JAK2: variants seen among roughly 807,000 people sequenced by gnomAD.
JAK2 encodes the protein Janus kinase 2.
Under a neutral mutation model 139.3 loss-of-function variants are expected in JAK2, and 86 were observed. The observed-to-expected ratio is 0.62, with a 90% CI of 0.52 to 0.74. The LOEUF is 0.74. Among genes scored for constraint, JAK2 ranks in the 30% least tolerant of loss-of-function variants. JAK2 has a pLI of 0.00. For missense variants in JAK2, 1,421 were observed against 1,360.3 expected (o/e 1.04, Z -0.70); for synonymous variants, 490 against 437.7 (o/e 1.12, Z -1.49).
At chr9:5,023,316 G>C (rs1222182792) in intron 3 of JAK2, among the ~76,000 whole-genome samples, 1 of 152,172 alleles carries the variant, frequency 6.6e-6, no homozygotes, top group African/African-American at 2.4e-5. Flanking sequence ...TTCCATCCAT[G>C]TTGCTGTGAA....
chr9:5,033,531 C>G lies in JAK2; in HGVS notation c.350+3625C>G, dbSNP rs146655395. On this transcript the variant is annotated intron_variant, in intron 4 of 24. Transcript: ENST00000381652. ...CACAAAGGGAAGCCCATCAGACTAA[C>G]AGCAGATCTCTTGGCAGAAACTCTA... is the stretch of plus-strand genomic sequence containing the variant. Among the ~76,000 whole-genome samples, 515 of 152,316 alleles carry G rather than the reference C, an allele frequency of 3.4e-3. 3 individuals carry two copies. The highest frequency in any genetic ancestry group is 4.6e-3 in the Non-Finnish European group (311 of 68,034).
intron 2 of JAK2, among the ~76,000 whole-genome samples, chr9:5,013,083 G>A (rs968936101): frequency 6.6e-6 from 1 of 152,070 alleles, no homozygotes; most frequent in Non-Finnish European, 1.5e-5. Flanking sequence ...GAAGAATAAA[G>A]GTTGACCAAA....
At chr9:5,119,792 A>T (rs1177714044) in intron 22 of JAK2, among the ~76,000 whole-genome samples, 1 of 152,212 alleles carries the variant, frequency 6.6e-6, no homozygotes, top group African/African-American at 2.4e-5. Flanking sequence ...TTTCATATGT[A>T]CTTAATGAAC....
At chr9:5,045,378 A>T (rs1002825778) in intron 5 of JAK2, among the ~76,000 whole-genome samples, 1 of 152,230 alleles carries the variant, frequency 6.6e-6, no homozygotes, top group Non-Finnish European at 1.5e-5. Flanking sequence ...CTATTGGGGT[A>T]TGAGACCAAC....
chr9:5,038,172 A>T lies in JAK2; in HGVS notation c.351-6231A>T, dbSNP rs12341930. ...ATTGTTTAATGGATACAGTGTTTTTAATGCCAACAAATTAGAGGATCAAGA... is the reference window on the plus strand; with the variant it reads ...ATTGTTTAATGGATACAGTGTTTTTTATGCCAACAAATTAGAGGATCAAGA... On this transcript the variant is annotated intron_variant, in intron 4 of 24. Coordinates refer to ENST00000381652, the MANE Select transcript of JAK2 (RefSeq NM_004972.4). Among the ~76,000 whole-genome samples, 214 of 152,318 alleles carry T rather than the reference A, an allele frequency of 1.4e-3. 1 individual carries two copies. Among genetic ancestry groups the T allele is most frequent in the African/African-American group, 4.9e-3 (203 of 41,578 alleles).
At chr9:5,001,516 C>A (rs28754892) in intron 2 of JAK2, among the ~76,000 whole-genome samples, 1,572 of 152,144 alleles carry the variant, frequency 0.01, 22 homozygotes, top group African/African-American at 0.036. Flanking sequence ...TCAAAGCAAC[C>A]AGTATGACTG....
chr9:5,044,286 C>A, intron 4 of JAK2, 117 bp from the exon 5 acceptor site: 2 of 673,804 alleles, frequency 3.0e-6, no homozygotes, highest in South Asian at 1.7e-5. Flanking sequence ...ATACTGTTAG[C>A]TGTGTTTTCT....
chr9:5,103,761 A>T (rs1330517173), intron 22 of JAK2, among the ~76,000 whole-genome samples: 3 of 152,228 alleles, frequency 2.0e-5, no homozygotes, highest in Admixed American at 2.0e-4. Context: ...GGACTAAGAA[A>T]CTCACTCAAA....
At chr9:5,042,325 G>A (rs1413587752) in intron 4 of JAK2, among the ~76,000 whole-genome samples, 1 of 151,048 alleles carries the variant, frequency 6.6e-6, no homozygotes, top group Admixed American at 6.6e-5. Flanking sequence ...TTTTAGTAGA[G>A]ACGGGGTTTC....
At chr9:5,002,931 TA>T (rs1410382642) in intron 2 of JAK2, among the ~76,000 whole-genome samples, 1 of 152,004 alleles carries the variant, frequency 6.6e-6, no homozygotes, top group African/African-American at 2.4e-5. Context: ...AGATAGAAGT[TA>T]AGGTTATTTT....
chr9:5,047,044 A>G (rs964714967), intron 5 of JAK2, among the ~76,000 whole-genome samples: 1 of 152,218 alleles, frequency 6.6e-6, no homozygotes, highest in Non-Finnish European at 1.5e-5. Flanking sequence ...TGTCTTATCT[A>G]GCATGGCAAG....
intron 2 of JAK2, among the ~76,000 whole-genome samples, chr9:5,012,971 T>C (rs993661483): frequency 1.3e-5 from 2 of 152,124 alleles, no homozygotes; most frequent in Admixed American, 6.5e-5. Context: ...TAGTGTATGA[T>C]GGTAGTTGTG....
chr9:5,062,520 AAAAAAAAAAAAG>A lies in JAK2; in HGVS notation c.1057-2362_1057-2351del, dbSNP rs1201832109. ...ATTTGTAAAAAAAAAAAAAAAAAAA[AAAAAAAAAAAAG>A]GTCATATCTGCAAGGAGCAATAAAG... On this transcript the variant is annotated intron_variant, in intron 8 of 24. Transcript: ENST00000381652. 1.4e-4 allele frequency among the ~76,000 whole-genome samples: 18 copies of A among 130,556 alleles called. No homozygotes were observed. The East Asian group carries it at 3.0e-3, about 22-fold the overall frequency. The allele number at this position is 130,556 out of a possible 152,430, so 85.6% of individuals were successfully genotyped here. A position where few individuals can be genotyped will look rare whatever the true frequency, so the allele number is the denominator to read the frequency against.
intron 2 of JAK2, among the ~76,000 whole-genome samples, chr9:5,007,504 A>G (rs1166107959): frequency 6.6e-6 from 1 of 152,050 alleles, no homozygotes; most frequent in East Asian, 1.9e-4. Context: ...ACATTTTTCA[A>G]TGCATACGTG....
At chr9:5,020,488 G>C (rs1480113334) in intron 2 of JAK2, among the ~76,000 whole-genome samples, 1 of 152,180 alleles carries the variant, frequency 6.6e-6, no homozygotes, top group Non-Finnish European at 1.5e-5. Context: ...TCAGGTGGGG[G>C]CAGCAGTGGC....
chr9:5,081,966 TAG>T lies in JAK2; in HGVS notation c.2571+107_2571+108del, dbSNP rs111450769. ...TCTACAACATTTTAAGGAGTGCTTG[TAG>T]AAAAAAAAGGTTTGGTTGTCAGATG... On this transcript the variant is annotated intron_variant, in intron 19 of 24. Transcript: ENST00000381652. 21,822 of 952,506 alleles carry T rather than the reference TAG, an allele frequency of 0.023. 2,258 individuals carry two copies. The African/African-American group carries it at 0.27, about 12-fold the overall frequency. 59.0% of individuals were successfully genotyped at this position (952,506 alleles called of 1,614,324 possible). A position where few individuals can be genotyped will look rare whatever the true frequency, so the allele number is the denominator to read the frequency against.
intron 10 of JAK2, among the ~76,000 whole-genome samples, chr9:5,067,450 G>C (rs1249686642): frequency 6.6e-6 from 1 of 151,752 alleles, no homozygotes; most frequent in Non-Finnish European, 1.5e-5. Flanking sequence ...TTAAAACAGA[G>C]AAAAATAAGA....
intron 5 of JAK2, among the ~76,000 whole-genome samples, chr9:5,046,881 T>C (rs7039518): frequency 0.64 from 97,243 of 151,998 alleles, 33,170 homozygotes; most frequent in African/African-American, 0.89. Flanking sequence ...ATTTTGGGGG[T>C]AGGCTAGTTA....
chr9:5,099,874 C>T (rs1821329859), intron 22 of JAK2: 1 of 152,090 alleles, frequency 6.6e-6, no homozygotes, highest in African/African-American at 2.4e-5. Flanking sequence ...TATAGCAATC[C>T]CCCTGTGAGC....
Sources: gnomAD v4.1 joint callset for allele counts (sites outside exome capture counted in the v4.1 genomes callset) on GRCh38, gnomAD v4.1.1 for gene constraint, MANE v1.5 for transcripts, NCBI Gene and HGNC (gene_info 2026-07-23, HGNC 2026-07-21) for gene names.